The following NPIPA1 variants were observed in gnomAD, a reference collection of about 807,000 sequenced individuals.
NPIPA1 encodes nuclear pore complex interacting protein family member A1, also known as nuclear pore complex-interacting protein family member A1.
For synonymous variants in NPIPA1, 7 were observed against 88.0 expected (o/e 0.08, Z 5.15); for missense variants, 22 against 232.2 (o/e 0.09, Z 5.88).
intron 2 of NPIPA1, among the ~76,000 whole-genome samples, chr16:14,943,225 C>T (rs1484574352): frequency 1.1e-3 from 169 of 151,514 alleles, no homozygotes; most frequent in Non-Finnish European, 1.2e-3. Context: ...GGTGTGATCT[C>T]GGCTCACTGC....
At chr16:14,940,287 A>C (rs1225586777) in intron 1 of NPIPA1, among the ~76,000 whole-genome samples, 2 of 142,194 alleles carry the variant, frequency 1.4e-5, no homozygotes, top group African/African-American at 5.2e-5. Flanking sequence ...ACTTATGCTG[A>C]GCTTTAAATG....
chr16:14,944,893 C>T (rs1412373083), intron 2 of NPIPA1, among the ~76,000 whole-genome samples: 3 of 151,580 alleles, frequency 2.0e-5, no homozygotes, highest in South Asian at 2.1e-4. Flanking sequence ...CGTGAGCTAC[C>T]GCACCTGGCC....
At chr16:14,940,425 C>T (rs1223499865) in intron 1 of NPIPA1, among the ~76,000 whole-genome samples, 2 of 152,108 alleles carry the variant, frequency 1.3e-5, no homozygotes, top group Non-Finnish European at 2.9e-5. Flanking sequence ...AAGATAACTA[C>T]TGGCCAGGTG....
chr16:14,950,549 CA>C, intron 7 of NPIPA1: 1 of 1,120,768 alleles, frequency 8.9e-7, no homozygotes, highest in Admixed American at 3.0e-5. Flanking sequence ...TTATTACCCA[CA>C]GGGACAATTC....
At chr16:14,947,563 G>A (rs1449691888) in intron 4 of NPIPA1, among the ~76,000 whole-genome samples, 1 of 150,540 alleles carries the variant, frequency 6.6e-6, no homozygotes, top group East Asian at 2.0e-4. Context: ...AGTTCCTTCT[G>A]GAATTCAGCA....
intron 2 of NPIPA1, among the ~76,000 whole-genome samples, chr16:14,942,831 C>T (rs1965783401): frequency 6.6e-6 from 1 of 152,272 alleles, no homozygotes; most frequent in African/African-American, 2.4e-5. Flanking sequence ...AGCCTTTTTT[C>T]CTTTGGGTAA....
chr16:14,938,678 T>C (rs1271434157), intron 1 of NPIPA1, among the ~76,000 whole-genome samples: 42 of 146,426 alleles, frequency 2.9e-4, no homozygotes, highest in Admixed American at 9.8e-4. Context: ...CTCTTGTCTC[T>C]AACAAACAAA....
At chr16:14,948,271 C>T (rs1965940719) in intron 4 of NPIPA1, among the ~76,000 whole-genome samples, 1 of 152,220 alleles carries the variant, frequency 6.6e-6, no homozygotes, top group Non-Finnish European at 1.5e-5. Flanking sequence ...CAGGACATAA[C>T]ATCCTGACTT....
intron 4 of NPIPA1, among the ~76,000 whole-genome samples, chr16:14,946,549 G>C (rs1388729829): frequency 1.4e-4 from 20 of 145,914 alleles, no homozygotes; most frequent in Admixed American, 4.3e-4. Flanking sequence ...TTTTGAGATA[G>C]AGTCTCGCTC....
chr16:14,951,776 GTGTCTGCT>G lies in NPIPA1; in HGVS notation c.805_812del (p.Cys269HisfsTer13). The G allele has an allele frequency of 6.7e-7, 1 of 1,484,352 alleles. No homozygotes were observed. Among genetic ancestry groups the G allele is most frequent in the Non-Finnish European group, 9.0e-7 (1 of 1,106,804 alleles). 91.9% of individuals were successfully genotyped at this position (1,484,352 alleles called of 1,614,324 possible). On this transcript the variant is annotated frameshift_variant, in exon 8 of 8. Coordinates refer to ENST00000328085, the MANE Select transcript of NPIPA1 (RefSeq NM_006985.4). LOFTEE classifies it high-confidence loss of function. ...CCCTGAGCCTCAAGACACCTTCCGA[GTGTCTGCT>G]CACTCCCCTTCCACCCTCAGCTCTA...
intron 1 of NPIPA1, among the ~76,000 whole-genome samples, chr16:14,937,906 G>A (rs1182662784): frequency 1.2e-4 from 17 of 145,688 alleles, no homozygotes; most frequent in African/African-American, 2.0e-4. Context: ...CCCTTGCCCC[G>A]CGTGTCCTGT....
At chr16:14,946,408 G>T (rs1377959944) in intron 4 of NPIPA1, among the ~76,000 whole-genome samples, 46 of 147,642 alleles carry the variant, frequency 3.1e-4, no homozygotes, top group African/African-American at 1.1e-3. Flanking sequence ...TTTTACTAGA[G>T]ATGGGGTTTC....
At chr16:14,942,699 T>A (rs1224310535) in intron 2 of NPIPA1, among the ~76,000 whole-genome samples, 1 of 152,200 alleles carries the variant, frequency 6.6e-6, no homozygotes, top group African/African-American at 2.4e-5. Context: ...CTGGGCAGGG[T>A]AATTTTGAAT....
At chr16:14,946,244 T>TC (rs1471690388) in intron 4 of NPIPA1, among the ~76,000 whole-genome samples, 1 of 109,084 alleles carries the variant, frequency 9.2e-6, no homozygotes, top group African/African-American at 3.6e-5. Context: ...TTTTTTTTTT[T>TC]CCTGAAATGG....
At chr16:14,946,525 T>C (rs1770362671) in intron 4 of NPIPA1, among the ~76,000 whole-genome samples, 1 of 148,210 alleles carries the variant, frequency 6.7e-6, no homozygotes, top group Non-Finnish European at 1.5e-5. Context: ...CCCAGGCTTT[T>C]TTTTTTTTTT....
chr16:14,951,682 A>G lies in NPIPA1; in HGVS notation c.710A>G (p.Glu237Gly). 6.6e-7 allele frequency: 1 copy of G among 1,513,880 alleles called. No individual in the cohort carries two copies. The highest frequency in any genetic ancestry group is 1.2e-5 in the South Asian group (1 of 82,808). 93.8% of individuals were successfully genotyped at this position (1,513,880 alleles called of 1,614,324 possible). A position where few individuals can be genotyped will look rare whatever the true frequency, so the allele number is the denominator to read the frequency against. ...CCCTACTGGCCCTACCTCACAGCTG[A>G]AACTTTAAAAAACAGGATGGGCCAC... ...GLPYWPYLTA[E>G]TLKNRMGHQP... is the part of the protein sequence containing the mutation. The change falls in exon 8 of 8, where the codon GAA becomes GGA. Residue 237 changes from glutamate (E) to glycine (G), a missense_variant. Transcript: ENST00000328085.
chr16:14,945,227 G>GTTGTGTGTGTGCGT (rs748459839), intron 2 of NPIPA1, among the ~76,000 whole-genome samples: 3 of 137,746 alleles, frequency 2.2e-5, no homozygotes, highest in East Asian at 2.5e-4. Flanking sequence ...ATTCTTGTGT[G>GTTGTGTGTGTGCGT]GTGTGTGTGT....
chr16:14,943,484 A>G (rs1965803037), intron 2 of NPIPA1, among the ~76,000 whole-genome samples: 4 of 148,310 alleles, frequency 2.7e-5, no homozygotes, highest in Admixed American at 6.8e-5. Context: ...ACCACTTTTT[A>G]ACAATTCCAT....
chr16:14,943,144 CTTT>C (rs796144995), intron 2 of NPIPA1, among the ~76,000 whole-genome samples: 12 of 133,034 alleles, frequency 9.0e-5, no homozygotes, highest in South Asian at 5.0e-4. Flanking sequence ...TTGGAGGAAG[CTTT>C]TTTTTTTTTT....
Sources: gnomAD v4.1 joint callset for allele counts (sites outside exome capture counted in the v4.1 genomes callset) on GRCh38, gnomAD v4.1.1 for gene constraint, MANE v1.5 for transcripts, NCBI Gene and HGNC (gene_info 2026-07-23, HGNC 2026-07-21) for gene names.